LMNTD2: variants seen among roughly 807,000 people sequenced by gnomAD.
LMNTD2 encodes the protein lamin tail domain-containing protein 2.
A neutral mutation model predicts 70.1 loss-of-function variants in LMNTD2; 83 were observed. The ratio of observed to expected loss-of-function variants is 1.18; its 90% CI spans 0.99 to 1.42. LMNTD2 has a LOEUF of 1.42. Among genes scored for constraint, LMNTD2 ranks in the 40% most tolerant of loss-of-function variants. The pLI is 0.00. For missense variants in LMNTD2, 1,153 were observed against 905.9 expected (o/e 1.27, Z -3.50); for synonymous variants, 534 against 406.1 (o/e 1.31, Z -3.79).
chr11:556,690 G>A (rs1350248429), intron 8 of LMNTD2, 102 bp from the exon 9 acceptor site: 4 of 1,408,334 alleles, frequency 2.8e-6, no homozygotes, highest in African/African-American at 1.4e-5. Context: ...GCGGGGCAGG[G>A]AGCAGGGCCA....
In LMNTD2 at chr11:556,348, C is replaced by T. The variant is rs761043269; in HGVS notation, c.1101G>A (p.Val367=). The T allele has an allele frequency of 6.5e-5, 100 of 1,535,870 alleles. 1 individual carries two copies. The highest frequency in any genetic ancestry group is 8.3e-5 in the Non-Finnish European group (95 of 1,146,388). ...TGCGGACGAACTTCTCCCGGCAGCTCACAGCCACGATCTTCAGGCCTGTCG... is the reference window on the plus strand; with the variant it reads ...TGCGGACGAACTTCTCCCGGCAGCTTACAGCCACGATCTTCAGGCCTGTCG... ...QSPTGLKIVA[V]SCREKFVRIF... is the part of the protein sequence containing the mutation. The change falls in exon 10 of 14, where the codon GTG becomes GTA. Residue 367 remains valine (V), a synonymous_variant. Coordinates refer to ENST00000329451, the MANE Select transcript of LMNTD2 (RefSeq NM_173573.3).
Position 559,090 on chromosome 11 carries a change from G to C in LMNTD2, c.35-111C>G, listed in dbSNP as rs181941398. 1,356 of 1,534,360 alleles carry C rather than the reference G, an allele frequency of 8.8e-4. 5 individuals are homozygous for C. The highest frequency in any genetic ancestry group is 1.5e-3 in the Admixed American group (81 of 52,682). On this transcript the variant is annotated intron_variant, in intron 1 of 13. Transcript: ENST00000329451. ...GGGAGGGGTGGGGGGCCCGTCTGCC[G>C]TGTGCGCCTCGTGTGGCCACACAGG...
At chr11:558,324 G>A (rs1290097404) in intron 3 of LMNTD2, 76 bp from the exon 4 acceptor site, 5 of 1,502,812 alleles carry the variant, frequency 3.3e-6, no homozygotes, top group African/African-American at 1.4e-5. Context: ...TGGCGAAGGA[G>A]GGGAGAAGGA....
Position 556,093 on chromosome 11 carries a change from C to A in LMNTD2, c.1280G>T (p.Ser427Ile). The A allele has an allele frequency of 6.5e-7, 1 of 1,528,750 alleles. No individual in the cohort carries two copies. 94.7% of individuals were successfully genotyped at this position (1,528,750 alleles called of 1,614,324 possible). A position where few individuals can be genotyped will look rare whatever the true frequency, so the allele number is the denominator to read the frequency against. ...HVTVWGEATR[S>I]AKKPLRASSS... is the part of the protein sequence containing the mutation. Reference sequence around the variant, plus strand: ...GGACGCGCGCAGCGGCTTCTTGGCGCTGCGGGTCGCCTCGCCCCAGACCTG... The same window carrying A: ...GGACGCGCGCAGCGGCTTCTTGGCGATGCGGGTCGCCTCGCCCCAGACCTG... The change falls in exon 11 of 14, where the codon AGC (serine) becomes ATC (isoleucine). Residue 427 changes from serine (S) to isoleucine (I), a missense_variant. Coordinates refer to ENST00000329451, the MANE Select transcript of LMNTD2 (RefSeq NM_173573.3).
intron 1 of LMNTD2, chr11:559,786 G>A: frequency 1.9e-6 from 2 of 1,041,712 alleles, no homozygotes; most frequent in Non-Finnish European, 2.3e-6. Context: ...TAGAGACAGG[G>A]TCTTGCTCCG....
Position 555,400 on chromosome 11 carries a change from G to A in LMNTD2, c.1678C>T (p.Pro560Ser). 7.1e-7 allele frequency: 1 copy of A among 1,401,738 alleles called. No individual in the cohort carries two copies. 86.8% of individuals were successfully genotyped at this position (1,401,738 alleles called of 1,614,324 possible). Residue 560 changes from proline (P) to serine (S), a missense_variant, in exon 13 of 14, where the codon CCC becomes TCC. Coordinates refer to ENST00000329451, the MANE Select transcript of LMNTD2 (RefSeq NM_173573.3). ...NPEIPAPQHLPAIPGDPTLPS... is the reference protein window; with the variant it reads ...NPEIPAPQHLSAIPGDPTLPS... ...AGGGTGGGGTCACCCGGGATGGCGGGCAGGTGCTGCGGCGCGGGGATCTCG... is the reference window on the plus strand; with the variant it reads ...AGGGTGGGGTCACCCGGGATGGCGGACAGGTGCTGCGGCGCGGGGATCTCG...
chr11:557,174 T>G, intron 7 of LMNTD2, 77 bp from the exon 8 acceptor site: 1 of 1,486,960 alleles, frequency 6.7e-7, no homozygotes, highest in East Asian at 2.5e-5. Context: ...CACAAGGCAG[T>G]GCAGCAGGGA....
rs148047813 is a variant in LMNTD2 at position 558,713 on chromosome 11, C to T, written c.212G>A (p.Arg71Gln). 49 of 1,606,740 alleles carry T rather than the reference C, an allele frequency of 3.0e-5. No individual in the cohort carries two copies. The highest frequency in any genetic ancestry group is 2.9e-4 in the African/African-American group (22 of 74,956). The change falls in exon 3 of 14, where the codon CGA (arginine) becomes CAA (glutamine). Residue 71 changes from arginine to glutamine, a missense_variant. Arg to Gln is a conservative substitution (Grantham distance 43). Transcript: ENST00000329451. ...CCGCAAGGCCTGGATCTCCAGTTCT[C>T]GCTGTCTCCACAGCAGCCGCAGTGT... ...PRTLRLLWRQ[R>Q]ELEIQALRWA...
intron 3 of LMNTD2, 106 bp from the exon 4 acceptor site, chr11:558,354 G>C: frequency 7.7e-7 from 1 of 1,304,780 alleles, no homozygotes; most frequent in Non-Finnish European, 1.1e-6. Context: ...CTGCCACCTT[G>C]GCCCCAAGGG....
rs1853065454 is a variant in LMNTD2 at position 558,676 on chromosome 11, C to T, written c.249G>A (p.Gln83=). ...LEIQALRWAI[Q]NGEDARLCHI... ...GGCAGAGCCGGGCGTCCTCGCCATTCTGGATGGCCCACCGCAAGGCCTGGA... is the reference window on the plus strand; with the variant it reads ...GGCAGAGCCGGGCGTCCTCGCCATTTTGGATGGCCCACCGCAAGGCCTGGA... Residue 83 remains glutamine, a synonymous_variant, in exon 3 of 14, where the codon CAG becomes CAA. Transcript: ENST00000329451. 6.2e-7 allele frequency: 1 copy of T among 1,605,512 alleles called. No homozygotes were observed. Among genetic ancestry groups the T allele is most frequent in the South Asian group, 1.1e-5 (1 of 89,792 alleles).
rs746821777 is a variant in LMNTD2 at position 554,956 on chromosome 11, G to A, written c.*24C>T. ...GGCGCCCGCCCGCGCCCTCCCTCGC[G>A]GTCCCGGCCCCACTCCTCCGCCCCT... On this transcript the variant is annotated 3_prime_UTR_variant, in exon 14 of 14. Coordinates refer to ENST00000329451, the MANE Select transcript of LMNTD2 (RefSeq NM_173573.3). 2.0e-6 allele frequency: 3 copies of A among 1,497,244 alleles called. No individual in the cohort carries two copies. The highest frequency in any genetic ancestry group is 2.6e-5 in the East Asian group (1 of 38,136). The allele number at this position is 1,497,244 out of a possible 1,614,324, so 92.7% of individuals were successfully genotyped here.
At chr11:559,702 G>C in intron 1 of LMNTD2, 1 of 1,160,236 alleles carries the variant, frequency 8.6e-7, no homozygotes, top group South Asian at 1.7e-5. Flanking sequence ...GACAAGCTGG[G>C]GACTGTGCTG....
In LMNTD2 at chr11:558,858, C is replaced by T. The variant is rs761988792; in HGVS notation, c.156G>A (p.Pro52=). The T allele has an allele frequency of 1.6e-5, 26 of 1,600,790 alleles. No individual in the cohort carries two copies. Among genetic ancestry groups the T allele is most frequent in the Middle Eastern group, 1.7e-4 (1 of 6,012 alleles). Residue 52 remains proline, a splice_region_variant and synonymous_variant, in exon 2 of 14, where the codon CCG becomes CCA. Coordinates refer to ENST00000329451, the MANE Select transcript of LMNTD2 (RefSeq NM_173573.3). The part of the protein sequence containing the change: ...HPAPVVCSAD[P]QLALESLDPR... ...CCAGTCCTCCCTCTCCTCCTTACTG[C>T]GGGTCGGCAGAGCAGACCACCGGTG... is the stretch of plus-strand genomic sequence containing the variant.
chr11:558,663 C>T lies in LMNTD2; in HGVS notation c.262G>A (p.Ala88Thr), dbSNP rs141262143. Residue 88 changes from alanine (A) to threonine (T), a missense_variant, in exon 3 of 14, where the codon GCC (alanine) becomes ACC (threonine). Coordinates refer to ENST00000329451, the MANE Select transcript of LMNTD2 (RefSeq NM_173573.3). ...TCTTCCAGGATGTGGCAGAGCCGGG[C>T]GTCCTCGCCATTCTGGATGGCCCAC... is the stretch of plus-strand genomic sequence containing the variant. ...LRWAIQNGED[A>T]RLCHILEEVA... 39 of 1,605,416 alleles carry T rather than the reference C, an allele frequency of 2.4e-5. No homozygotes were observed. In the African/African-American group the frequency reaches 3.9e-4, roughly 16 times the overall value.
In LMNTD2 at chr11:557,431, G is replaced by C; in HGVS notation, c.681C>G (p.Leu227=). 1.2e-6 allele frequency: 2 copies of C among 1,609,808 alleles called. No homozygotes were observed. The highest frequency in any genetic ancestry group is 1.1e-5 in the South Asian group (1 of 90,312). ...WNSVARRYPN[L]FTNMEPSSKQ... Reference sequence around the variant, plus strand: ...TTGAGCTGGGCTCCATGTTGGTGAAGAGGTTGGGATACCGGCGGGCAACGC... The same window carrying C: ...TTGAGCTGGGCTCCATGTTGGTGAACAGGTTGGGATACCGGCGGGCAACGC... The change falls in exon 7 of 14, where the codon CTC becomes CTG. Residue 227 remains leucine, a synonymous_variant. Coordinates refer to ENST00000329451, the MANE Select transcript of LMNTD2 (RefSeq NM_173573.3).
In LMNTD2 at chr11:554,946, CCTCCCTCGCG is replaced by C. The variant is rs1414197733; in HGVS notation, c.*24_*33del. The C allele has an allele frequency of 6.8e-7, 1 of 1,463,918 alleles. No homozygotes were observed. The highest frequency in any genetic ancestry group is 9.0e-7 in the Non-Finnish European group (1 of 1,111,942). The allele number at this position is 1,463,918 out of a possible 1,614,324, so 90.7% of individuals were successfully genotyped here. On this transcript the variant is annotated 3_prime_UTR_variant, in exon 14 of 14. Coordinates refer to ENST00000329451, the MANE Select transcript of LMNTD2 (RefSeq NM_173573.3). Reference sequence around the variant, plus strand: ...GCCCAGCCCCGGCGCCCGCCCGCGCCCTCCCTCGCGGTCCCGGCCCCACTCCTCCGCCCCT... The same window carrying C: ...GCCCAGCCCCGGCGCCCGCCCGCGCCGTCCCGGCCCCACTCCTCCGCCCCT...
intron 13 of LMNTD2, 50 bp from the exon 14 acceptor site, chr11:555,161 G>A (rs1466437986): frequency 5.1e-6 from 3 of 591,268 alleles, no homozygotes; most frequent in Non-Finnish European, 7.3e-6. Flanking sequence ...GGGGACGGGA[G>A]GGGAGGGGAG....
In LMNTD2 at chr11:555,862, G is replaced by A; in HGVS notation, c.1446C>T (p.Asp482=). ...PAPRVFADGT[D]LSIDRFPLPE... Reference sequence around the variant, plus strand: ...GGAGCGGGAAGCGGTCGATGGACAAGTCGGTGCCGTCGGCGAAGACCCTCG... The same window carrying A: ...GGAGCGGGAAGCGGTCGATGGACAAATCGGTGCCGTCGGCGAAGACCCTCG... Residue 482 remains aspartate (D), a synonymous_variant, in exon 12 of 14, where the codon GAC becomes GAT. Coordinates refer to ENST00000329451, the MANE Select transcript of LMNTD2 (RefSeq NM_173573.3). 6.4e-7 allele frequency: 1 copy of A among 1,563,578 alleles called. No individual in the cohort carries two copies. Among genetic ancestry groups the A allele is most frequent in the Non-Finnish European group, 8.6e-7 (1 of 1,160,522 alleles).
rs1852983616 is a variant in LMNTD2 at position 557,616 on chromosome 11, C to T, written c.580G>A (p.Asp194Asn). 6.2e-7 allele frequency: 1 copy of T among 1,613,264 alleles called. No homozygotes were observed. Among genetic ancestry groups the T allele is most frequent in the East Asian group, 2.2e-5 (1 of 44,878 alleles). Residue 194 changes from aspartate (D) to asparagine (N), a missense_variant, in exon 6 of 14, where the codon GAC becomes AAC. Asp to Asn is a conservative substitution (Grantham distance 23, BLOSUM62 1). Coordinates refer to ENST00000329451, the MANE Select transcript of LMNTD2 (RefSeq NM_173573.3). ...VEVVTAETLM[D>N]PSDLSENIQA... ...ATGTTTTCAGAGAGGTCGCTTGGGT[C>T]CATCAGAGTCTCTGCCGTCACTACC... is the stretch of plus-strand genomic sequence containing the variant.
Sources: allele counts gnomAD v4.1 joint callset, GRCh38; gene constraint gnomAD v4.1.1; transcripts MANE v1.5; gene names NCBI Gene and HGNC (gene_info 2026-07-23, HGNC 2026-07-21).